Variants in ENPP3 observed in about 807,000 individuals in gnomAD.
The protein encoded by ENPP3 is ectonucleotide pyrophosphatase/phosphodiesterase 3.
A neutral mutation model predicts 117.8 loss-of-function variants in ENPP3; 104 were observed. That is an observed-to-expected ratio of 0.88 (90% CI 0.75 to 1.04). The LOEUF (loss-of-function observed/expected upper bound fraction) is 1.04, where lower values mean the gene tolerates loss of function less well. ENPP3 is among the 50% of genes least tolerant of loss of function. ENPP3 has a pLI of 0.00. For missense variants in ENPP3, 1,026 were observed against 1,051.9 expected (o/e 0.98, Z 0.34); for synonymous variants, 380 against 349.9 (o/e 1.09, Z -0.96).
Position 131,671,256 on chromosome 6 carries a change from G to C in ENPP3, c.571G>C (p.Gly191Arg). The C allele has an allele frequency of 1.9e-6, 3 of 1,583,602 alleles. No individual in the cohort carries two copies. Among genetic ancestry groups the C allele is most frequent in the Non-Finnish European group, 2.6e-6 (3 of 1,153,168 alleles). ...ACCATATTCTGTTGCAGAAACATGT[G>C]GAATTCATTCAAAATACATGAGAGC... The part of the protein sequence containing the change: ...MPNINKLKTC[G>R]IHSKYMRAMY... Residue 191 changes from glycine (G) to arginine (R), a missense_variant, in exon 7 of 25, where the codon GGA (glycine) becomes CGA (arginine). Transcript: ENST00000357639.
At chr6:131,641,964 T>G (rs1778054142) in intron 2 of ENPP3, among the ~76,000 whole-genome samples, 1 of 151,760 alleles carries the variant, frequency 6.6e-6, no homozygotes, top group Non-Finnish European at 1.5e-5. Flanking sequence ...CCGGCTAATT[T>G]TTGCAGTTTT....
chr6:131,710,107 C>A, intron 15 of ENPP3: 1 of 1,613,940 alleles, frequency 6.2e-7, no homozygotes, highest in Non-Finnish European at 8.5e-7. Context: ...TAAGTTAGCA[C>A]CATTTTCCCA....
At chr6:131,651,390 C>T (rs115031596) in intron 3 of ENPP3, among the ~76,000 whole-genome samples, 51 of 152,202 alleles carry the variant, frequency 3.4e-4, no homozygotes, top group African/African-American at 1.2e-3. Flanking sequence ...TTTATTTAAC[C>T]GAGGTTGAGG....
chr6:131,674,398 T>G (rs879067451), intron 8 of ENPP3, 117 bp downstream of exon 8: 2 of 1,008,584 alleles, frequency 2.0e-6, no homozygotes, highest in Admixed American at 3.5e-5. Context: ...TTCTAAGGGC[T>G]GAGGGTGCAA....
At chr6:131,659,605 C>G (rs1778456785) in intron 6 of ENPP3, among the ~76,000 whole-genome samples, 1 of 152,138 alleles carries the variant, frequency 6.6e-6, no homozygotes, top group Non-Finnish European at 1.5e-5. Flanking sequence ...ATGATTTCTA[C>G]TGTTAATTCC....
At chr6:131,724,582 A>AT (rs1239430471) in intron 19 of ENPP3, among the ~76,000 whole-genome samples, 7 of 152,186 alleles carry the variant, frequency 4.6e-5, no homozygotes, top group African/African-American at 1.7e-4. Context: ...TCTTTTAAGT[A>AT]TTCTTGTATT....
intron 14 of ENPP3, 41 bp from the exon 15 acceptor site, chr6:131,693,456 A>G (rs761602031): frequency 4.5e-6 from 7 of 1,550,158 alleles, no homozygotes; most frequent in African/African-American, 4.1e-5. Flanking sequence ...ATTAATTTGC[A>G]TATCTTATGT....
intron 2 of ENPP3, among the ~76,000 whole-genome samples, chr6:131,646,092 G>A (rs879575488): frequency 2.6e-5 from 4 of 152,098 alleles, no homozygotes; most frequent in Non-Finnish European, 5.9e-5. Flanking sequence ...CAGCAATTAA[G>A]ACTTGGAATC....
intron 10 of ENPP3, among the ~76,000 whole-genome samples, chr6:131,677,039 C>T (rs1288848374): frequency 6.6e-6 from 1 of 151,804 alleles, no homozygotes; most frequent in South Asian, 2.1e-4. Context: ...AGTCCCGGAC[C>T]AACCTGGACA....
At chr6:131,639,265 A>ATTTTTTTTTTTTTTTTT (rs1554259595) in intron 1 of ENPP3, among the ~76,000 whole-genome samples, 1 of 107,208 alleles carries the variant, frequency 9.3e-6, no homozygotes, top group Admixed American at 1.2e-4. Flanking sequence ...ATATATATAT[A>ATTTTTTTTTTTTTTTTT]TTTTTTTTTT....
intron 15 of ENPP3, among the ~76,000 whole-genome samples, chr6:131,703,152 A>G (rs1438696085): frequency 7.5e-6 from 1 of 133,268 alleles, no homozygotes; most frequent in Non-Finnish European, 1.5e-5. Context: ...CATGCCTGTA[A>G]TCTAAGCACT....
chr6:131,710,055 A>G (rs751396629), intron 15 of ENPP3: 7 of 1,612,904 alleles, frequency 4.3e-6, no homozygotes, highest in South Asian at 1.1e-5. Flanking sequence ...TTAACTTAGC[A>G]GCATGAATCA....
chr6:131,658,351 T>C lies in ENPP3; in HGVS notation c.493T>C (p.Ser165Pro). Residue 165 changes from serine (S) to proline (P), a missense_variant, in exon 6 of 25, where the codon TCT becomes CCT. Transcript: ENST00000357639. ...TGACCTGCCACCAGTTATCTTGTTTTCTATGGATGGATTTAGAGCTGAATA... is the reference window on the plus strand; with the variant it reads ...TGACCTGCCACCAGTTATCTTGTTTCCTATGGATGGATTTAGAGCTGAATA... ...GFDLPPVILF[S>P]MDGFRAEYLY... 6.2e-7 allele frequency: 1 copy of C among 1,610,032 alleles called. No homozygotes were observed. The highest frequency in any genetic ancestry group is 1.3e-5 in the African/African-American group (1 of 74,942).
intron 20 of ENPP3, among the ~76,000 whole-genome samples, chr6:131,731,778 G>A (rs775526045): frequency 2.6e-4 from 39 of 152,236 alleles, no homozygotes; most frequent in Non-Finnish European, 4.4e-4. Flanking sequence ...ACTAAATCAC[G>A]TTATTATTTA....
At chr6:131,746,732 TTCATG>T in intron 24 of ENPP3, 49 bp from the exon 25 acceptor site, 1 of 1,502,452 alleles carries the variant, frequency 6.7e-7, no homozygotes, top group Non-Finnish European at 9.0e-7. Context: ...AATATTTCTG[TTCATG>T]AAAAATACTG....
intron 7 of ENPP3, 93 bp from the exon 8 acceptor site, chr6:131,674,069 T>G (rs6930385): frequency 1.4e-6 from 1 of 732,698 alleles, no homozygotes; most frequent in South Asian, 2.0e-5. Context: ...AGTACCTTTC[T>G]TAGGTATGAG....
chr6:131,666,784 T>C (rs1003531611), intron 6 of ENPP3, among the ~76,000 whole-genome samples: 1 of 152,248 alleles, frequency 6.6e-6, no homozygotes, highest in African/African-American at 2.4e-5. Context: ...TCATTTTCCT[T>C]TACTCTCTGT....
intron 24 of ENPP3, among the ~76,000 whole-genome samples, chr6:131,741,857 T>C (rs1780534317): frequency 6.6e-6 from 1 of 152,132 alleles, no homozygotes; most frequent in Non-Finnish European, 1.5e-5. Context: ...TAGGCCAGAT[T>C]GGGATTCATC....
At chr6:131,668,691 A>AGGC (rs1381547413) in intron 6 of ENPP3, among the ~76,000 whole-genome samples, 7 of 152,180 alleles carry the variant, frequency 4.6e-5, no homozygotes, top group Non-Finnish European at 8.8e-5. Context: ...TTTAGAAGTA[A>AGGC]AATACACACG....
Sources: allele counts gnomAD v4.1 joint callset (sites outside exome capture counted in the v4.1 genomes callset), GRCh38; gene constraint gnomAD v4.1.1; transcripts MANE v1.5; gene names NCBI Gene and HGNC (gene_info 2026-07-23, HGNC 2026-07-21).